The following ZBTB7C variants were observed in gnomAD, a reference collection of about 807,000 sequenced individuals.
ZBTB7C encodes the protein zinc finger and BTB domain containing 7C.
A neutral mutation model predicts 25.7 loss-of-function variants in ZBTB7C; 8 were observed. The observed-to-expected ratio is 0.31, with a 90% CI of 0.18 to 0.56. The LOEUF (loss-of-function observed/expected upper bound fraction) is 0.56. ZBTB7C is among the 20% of genes least tolerant of loss of function. The pLI is 0.91. For missense variants in ZBTB7C, 824 were observed against 855.2 expected (o/e 0.96, Z 0.46); for synonymous variants, 394 against 369.0 (o/e 1.07, Z -0.78).
At chr18:48,069,167 A>G (rs2037449692) in intron 3 of ZBTB7C, among the ~76,000 whole-genome samples, 2 of 152,180 alleles carry the variant, frequency 1.3e-5, no homozygotes, top group South Asian at 4.1e-4. Context: ...GATTGACTGA[A>G]TCAATGAGCA....
chr18:48,312,733 G>C (rs1019762001), intron 2 of ZBTB7C, among the ~76,000 whole-genome samples: 15 of 152,224 alleles, frequency 9.9e-5, no homozygotes, highest in African/African-American at 3.6e-4. Flanking sequence ...CATGTCACAT[G>C]CTGTGTCCCT....
chr18:48,043,454 G>GAGTT (rs566719409), intron 3 of ZBTB7C, among the ~76,000 whole-genome samples: 1 of 152,204 alleles, frequency 6.6e-6, no homozygotes, highest in Non-Finnish European at 1.5e-5. Context: ...AATCTCCAGG[G>GAGTT]AGTTACGCTG....
At chr18:48,272,336 G>C (rs1012229740) in intron 2 of ZBTB7C, among the ~76,000 whole-genome samples, 1 of 152,198 alleles carries the variant, frequency 6.6e-6, no homozygotes, top group African/African-American at 2.4e-5. Flanking sequence ...TTAGACACTA[G>C]AGCTTCTGGT....
chr18:48,137,190 T>C lies in ZBTB7C; in HGVS notation c.-17+48744A>G, dbSNP rs528908318. On this transcript the variant is annotated intron_variant, in intron 3 of 4. Coordinates refer to ENST00000590800, the MANE Select transcript of ZBTB7C (RefSeq NM_001318841.2). ...GGAGTGGTTTTGAGAGAGCACTCCCTCCCCACCCTCCAACCAGAAGTATTT... is the reference window on the plus strand; with the variant it reads ...GGAGTGGTTTTGAGAGAGCACTCCCCCCCCACCCTCCAACCAGAAGTATTT... 74 of 985,488 alleles carry C rather than the reference T, an allele frequency of 7.5e-5. No homozygotes were observed. The African/African-American group carries it at 9.4e-4, about 13-fold the overall frequency. The allele number at this position is 985,488 out of a possible 1,614,324, so 61.0% of individuals were successfully genotyped here.
intron 2 of ZBTB7C, among the ~76,000 whole-genome samples, chr18:48,312,234 T>A (rs924962755): frequency 6.6e-6 from 1 of 152,154 alleles, no homozygotes; most frequent in African/African-American, 2.4e-5. Flanking sequence ...TTCCCATGGT[T>A]CCCAGCCCAC....
intron 3 of ZBTB7C, among the ~76,000 whole-genome samples, chr18:48,113,932 T>A (rs1449047523): frequency 6.6e-6 from 1 of 152,174 alleles, no homozygotes; most frequent in Non-Finnish European, 1.5e-5. Flanking sequence ...CAAATCCCCA[T>A]TCACTCTGTG....
intron 3 of ZBTB7C, among the ~76,000 whole-genome samples, chr18:48,176,473 ATAGAT>A (rs1246910583): frequency 5.9e-5 from 9 of 152,368 alleles, no homozygotes; most frequent in Admixed American, 4.6e-4. Context: ...GATACAAAGA[ATAGAT>A]TAGATTAAAG....
intron 3 of ZBTB7C, among the ~76,000 whole-genome samples, chr18:48,043,313 TAGTG>T (rs1170443596): frequency 1.3e-5 from 2 of 152,210 alleles, no homozygotes; most frequent in African/African-American, 4.8e-5. Flanking sequence ...TTGTGCACGA[TAGTG>T]AGTAACTGGA....
intron 3 of ZBTB7C, among the ~76,000 whole-genome samples, chr18:48,173,516 A>G (rs114178777): frequency 1.3e-3 from 204 of 152,196 alleles, no homozygotes; most frequent in African/African-American, 4.8e-3. Context: ...GGCCTATGAT[A>G]CGTCCCCCCT....
At chr18:48,221,486 C>G (rs371162589) in intron 2 of ZBTB7C, among the ~76,000 whole-genome samples, 8 of 139,932 alleles carry the variant, frequency 5.7e-5, no homozygotes, top group African/African-American at 2.2e-4. Context: ...TATACTGTCC[C>G]TTAGTCTCCC....
In ZBTB7C at chr18:48,344,845, G is replaced by A. The variant is rs368316751; in HGVS notation, c.-303-6447C>T. Among the ~76,000 whole-genome samples, 23 of 152,346 alleles carry A rather than the reference G, an allele frequency of 1.5e-4. No individual in the cohort carries two copies. The South Asian group carries it at 2.5e-3, about 16-fold the overall frequency. On this transcript the variant is annotated intron_variant, in intron 1 of 4. Transcript: ENST00000590800. ...ACCATGAAGGTTGTGCTGTGGTAATGTAACGACATGTGTTTTTATTTATTT... is the reference window on the plus strand; with the variant it reads ...ACCATGAAGGTTGTGCTGTGGTAATATAACGACATGTGTTTTTATTTATTT...
In ZBTB7C at chr18:48,281,042, C is replaced by T. The variant is rs183276728; in HGVS notation, c.-79+57132G>A. Among the ~76,000 whole-genome samples the T allele has an allele frequency of 1.7e-3, 265 of 152,018 alleles. 6 individuals are homozygous for T. The highest frequency in any genetic ancestry group is 0.017 in the Admixed American group (263 of 15,260). On this transcript the variant is annotated intron_variant, in intron 2 of 4. Transcript: ENST00000590800. ...CTAATTTTTGTATTTTTAATAGAGA[C>T]GGGGTTTCGCCATGTTGGCCAGACT... is the stretch of plus-strand genomic sequence containing the variant.
chr18:48,172,054 A>G (rs566189548), intron 3 of ZBTB7C, among the ~76,000 whole-genome samples: 7 of 152,338 alleles, frequency 4.6e-5, no homozygotes, highest in South Asian at 4.1e-4. Context: ...GTTCACAGCT[A>G]CCTGGGACAA....
chr18:48,123,332 G>A (rs2039693085), intron 3 of ZBTB7C, among the ~76,000 whole-genome samples: 1 of 152,238 alleles, frequency 6.6e-6, no homozygotes, highest in South Asian at 2.1e-4. Flanking sequence ...CCCAGCTGCT[G>A]GGAGCAAGGT....
intron 2 of ZBTB7C, among the ~76,000 whole-genome samples, chr18:48,272,090 G>T (rs768189824): frequency 2.6e-5 from 4 of 152,184 alleles, no homozygotes; most frequent in African/African-American, 9.6e-5. Flanking sequence ...AACTTGACTG[G>T]ACTGAGTGAT....
At chr18:48,368,361 A>G (rs764205327) in intron 1 of ZBTB7C, among the ~76,000 whole-genome samples, 10 of 152,132 alleles carry the variant, frequency 6.6e-5, no homozygotes, top group Non-Finnish European at 1.0e-4. Context: ...GAGACAGAGG[A>G]AAGAATCAGT....
At chr18:48,055,410 CAAAAA>C (rs57782791) in intron 3 of ZBTB7C, among the ~76,000 whole-genome samples, 3 of 72,786 alleles carry the variant, frequency 4.1e-5, no homozygotes, top group African/African-American at 5.3e-5. Context: ...ACTCAAGTCT[CAAAAA>C]AAAAAAAAAA....
intron 2 of ZBTB7C, among the ~76,000 whole-genome samples, chr18:48,209,648 C>A (rs1281552037): frequency 5.3e-5 from 8 of 151,868 alleles, no homozygotes; most frequent in Non-Finnish European, 7.4e-5. Flanking sequence ...CCCAGCTACT[C>A]TAGAGACTGA....
At chr18:48,140,613 AG>A (rs2040310807) in intron 3 of ZBTB7C, among the ~76,000 whole-genome samples, 1 of 152,180 alleles carries the variant, frequency 6.6e-6, no homozygotes, top group Non-Finnish European at 1.5e-5. Context: ...CTGAACAAGC[AG>A]GGTAATGACT....
Sources: allele counts gnomAD v4.1 joint callset (sites outside exome capture counted in the v4.1 genomes callset), GRCh38; gene constraint gnomAD v4.1.1; transcripts MANE v1.5; gene names NCBI Gene and HGNC (gene_info 2026-07-23, HGNC 2026-07-21).